The following FMN2 variants were observed in gnomAD, a reference collection of about 807,000 sequenced individuals.
FMN2 encodes formin 2.
Under a neutral mutation model 142.3 loss-of-function variants are expected in FMN2, and 51 were observed. That is an observed-to-expected ratio of 0.36 (90% CI 0.29 to 0.45). FMN2 has a LOEUF of 0.45. FMN2 is among the 20% of genes least tolerant of loss of function. FMN2 has a pLI of 1.00. For synonymous variants in FMN2, 882 were observed against 869.8 expected, an observed-to-expected ratio of 1.01 and a Z score of -0.25; for missense variants, 1,936 against 2,122.8, an observed-to-expected ratio of 0.91 and a Z score of 1.73.
At chr1:240,358,212 C>T (rs1260742950) in intron 14 of FMN2, among the ~76,000 whole-genome samples, 6 of 152,138 alleles carry the variant, frequency 3.9e-5, no homozygotes, top group Non-Finnish European at 7.3e-5. Flanking sequence ...GTATGACTTA[C>T]AGCAGTGAAT....
intron 2 of FMN2, among the ~76,000 whole-genome samples, chr1:240,161,211 T>TGGGATGTGACAAACTACCCCTAAACTTTA (rs1558329327): frequency 6.6e-6 from 1 of 152,120 alleles, no homozygotes. Context: ...TGTGCTTTAG[T>TGGGATGTGACAAACTACCCCTAAACTTTA]GGGATGTGAC....
Position 240,232,515 on chromosome 1 carries a change from G to C in FMN2, c.4065+21280G>C, listed in dbSNP as rs1219355287. Among the ~76,000 whole-genome samples the C allele has an allele frequency of 2.0e-5, 3 of 152,132 alleles. No homozygotes were observed. In the East Asian group the frequency reaches 5.8e-4, roughly 29 times the overall value. On this transcript the variant is annotated intron_variant, in intron 6 of 17. Transcript: ENST00000319653. Reference sequence around the variant, plus strand: ...AGCTTCTGATGTTTCTAACAGGAAAGAATACATCCCTCTTAACTACACTTA... The same window carrying C: ...AGCTTCTGATGTTTCTAACAGGAAACAATACATCCCTCTTAACTACACTTA...
chr1:240,397,085 A>G (rs887031284), intron 15 of FMN2, among the ~76,000 whole-genome samples: 1 of 152,178 alleles, frequency 6.6e-6, no homozygotes, highest in Admixed American at 6.5e-5. Context: ...CAGTGTACAA[A>G]CATTCCCTTT....
At chr1:240,466,320 A>T (rs540605083) in intron 16 of FMN2, among the ~76,000 whole-genome samples, 69 of 152,276 alleles carry the variant, frequency 4.5e-4, no homozygotes, top group African/African-American at 1.6e-3. Flanking sequence ...AGCTGTTACC[A>T]CTTAGAATGT....
rs563054608 is a variant in FMN2 at position 240,110,476 on chromosome 1, G to T, written c.1616-12703G>T. 1.2e-4 allele frequency among the ~76,000 whole-genome samples: 18 copies of T among 152,300 alleles called. No individual in the cohort carries two copies. In the South Asian group the frequency reaches 3.5e-3, roughly 30 times the overall value. Reference sequence around the variant, plus strand: ...ATAAAACCCTAGTGCAAGGAGAGTTGATTTTACTTCTTCATTGTGCAAGAG... The same window carrying T: ...ATAAAACCCTAGTGCAAGGAGAGTTTATTTTACTTCTTCATTGTGCAAGAG... On this transcript the variant is annotated intron_variant, in intron 1 of 17. Transcript: ENST00000319653.
chr1:240,308,432 GT>G (rs1670489275), intron 8 of FMN2, among the ~76,000 whole-genome samples: 1 of 152,146 alleles, frequency 6.6e-6, no homozygotes, highest in African/African-American at 2.4e-5. Context: ...TTATTTTGTT[GT>G]TGTCATTCTG....
At chr1:240,183,667 G>A (rs1163956008) in intron 3 of FMN2, among the ~76,000 whole-genome samples, 1 of 151,868 alleles carries the variant, frequency 6.6e-6, no homozygotes, top group Non-Finnish European at 1.5e-5. Flanking sequence ...ATGAGAGGCA[G>A]AGCCTCAGTA....
intron 14 of FMN2, among the ~76,000 whole-genome samples, chr1:240,380,747 A>G (rs1673197960): frequency 6.6e-6 from 1 of 151,766 alleles, no homozygotes; most frequent in Admixed American, 6.6e-5. Context: ...CAAAGATCAG[A>G]GCAGAACTAA....
intron 16 of FMN2, among the ~76,000 whole-genome samples, chr1:240,447,318 GAATATATATTTC>G (rs1201278344): frequency 6.6e-6 from 1 of 152,084 alleles, no homozygotes; most frequent in Non-Finnish European, 1.5e-5. Flanking sequence ...GGTACTTTGA[GAATATATATTTC>G]AATATAGGAC....
At chr1:240,179,794 T>C (rs1431057219) in intron 3 of FMN2, 1 of 155,288 alleles carries the variant, frequency 6.4e-6, no homozygotes, top group African/African-American at 2.4e-5. Flanking sequence ...AATTAATCAG[T>C]TGCATGGAGA....
intron 6 of FMN2, among the ~76,000 whole-genome samples, chr1:240,219,650 A>ATTTTTTTTTTTTTTTTT (rs1558374533): frequency 2.6e-5 from 4 of 151,980 alleles, no homozygotes; most frequent in African/African-American, 9.7e-5. Flanking sequence ...AGGTTTTAAA[A>ATTTTTTTTTTTTTTTTT]TTTTTTGTAT....
chr1:240,364,618 C>T (rs10926229), intron 14 of FMN2, among the ~76,000 whole-genome samples: 2,772 of 152,194 alleles, frequency 0.018, 78 homozygotes, highest in African/African-American at 0.063. Flanking sequence ...TCATTCATTC[C>T]ACAACCGTAG....
intron 14 of FMN2, among the ~76,000 whole-genome samples, chr1:240,361,397 A>G (rs189833468): frequency 6.6e-6 from 1 of 151,816 alleles, no homozygotes; most frequent in Non-Finnish European, 1.5e-5. Flanking sequence ...GGCAGATTGG[A>G]CTTGGAAGCA....
Position 240,123,364 on chromosome 1 carries a change from T to G in FMN2, c.1782+19T>G, listed in dbSNP as rs778707218. 43 of 1,606,190 alleles carry G rather than the reference T, an allele frequency of 2.7e-5. 1 individual carries two copies. The South Asian group carries it at 4.4e-4, about 16-fold the overall frequency. On this transcript the variant is annotated intron_variant, in intron 2 of 17. Transcript: ENST00000319653. ...GTTTGATGTAAGTAGGAGAATTCAC[T>G]TCTGTCCGTGAGGCAGATTTGCTGT...
intron 2 of FMN2, chr1:240,143,012 A>G (rs1663258740): frequency 1.3e-6 from 2 of 1,526,834 alleles, no homozygotes; most frequent in Non-Finnish European, 1.8e-6. Flanking sequence ...TGAGCAGCCC[A>G]GCCATGGCCA....
chr1:240,120,501 G>T (rs996089928), intron 1 of FMN2, among the ~76,000 whole-genome samples: 15 of 152,090 alleles, frequency 9.9e-5, no homozygotes, highest in Non-Finnish European at 1.2e-4. Flanking sequence ...TCATAGCATT[G>T]TATTTATTCA....
intron 7 of FMN2, among the ~76,000 whole-genome samples, chr1:240,288,833 T>C (rs1669681721): frequency 6.6e-6 from 1 of 152,128 alleles, no homozygotes; most frequent in African/African-American, 2.4e-5. Context: ...AGTAGTGAGA[T>C]GCTGAGGCCC....
At chr1:240,200,436 G>A (rs552455495) in intron 4 of FMN2, among the ~76,000 whole-genome samples, 16 of 152,264 alleles carry the variant, frequency 1.1e-4, no homozygotes, top group Admixed American at 1.0e-3. Context: ...TTTCTGAACT[G>A]GTACTCTCTG....
intron 16 of FMN2, among the ~76,000 whole-genome samples, chr1:240,446,263 C>A (rs72767983): frequency 0.029 from 4,410 of 152,254 alleles, 87 homozygotes; most frequent in Non-Finnish European, 0.049. Context: ...GGGAAATCTT[C>A]AAAATCCTCA....
Sources: gnomAD v4.1 joint callset for allele counts (sites outside exome capture counted in the v4.1 genomes callset) on GRCh38, gnomAD v4.1.1 for gene constraint, MANE v1.5 for transcripts, NCBI Gene and HGNC (gene_info 2026-07-23, HGNC 2026-07-21) for gene names.